Variants in FDFT1 observed in about 807,000 individuals in gnomAD.
FDFT1 encodes the protein squalene synthase.
A neutral mutation model predicts 46.8 loss-of-function variants in FDFT1; 68 were observed. The ratio of observed to expected loss-of-function variants is 1.45; its 90% CI spans 1.19 to 1.78. FDFT1 has a LOEUF of 1.78. Ranked by LOEUF, FDFT1 falls within the 40% of genes most tolerant of loss-of-function variation. FDFT1 has a pLI of 0.00. For synonymous variants in FDFT1, 351 were observed against 185.1 expected (o/e 1.90, Z -7.28); for missense variants, 928 against 524.4 (o/e 1.77, Z -7.52).
intron 3 of FDFT1, among the ~76,000 whole-genome samples, chr8:11,819,588 T>C (rs1328443180): frequency 3.9e-5 from 6 of 152,252 alleles, no homozygotes; most frequent in African/African-American, 1.4e-4. Context: ...CTTTATTTCA[T>C]TAATTTGATC....
intron 5 of FDFT1, among the ~76,000 whole-genome samples, chr8:11,827,813 G>A (rs1366692059): frequency 6.6e-6 from 1 of 152,026 alleles, no homozygotes; most frequent in Non-Finnish European, 1.5e-5. Flanking sequence ...GACCAAGGTA[G>A]GAAGATCACT....
upstream of FDFT1, chr8:11,802,252 T>G: frequency 2.6e-6 from 1 of 385,278 alleles, no homozygotes; most frequent in Admixed American, 3.2e-5. Flanking sequence ...CTTTTCACGG[T>G]TTTAGGCTCT....
intron 4 of FDFT1, among the ~76,000 whole-genome samples, chr8:11,822,549 T>C (rs945312692): frequency 6.6e-6 from 1 of 152,120 alleles, no homozygotes; most frequent in Non-Finnish European, 1.5e-5. Flanking sequence ...GGTACTATGG[T>C]TTACCTGTAA....
chr8:11,825,031 G>C (rs976291750), intron 4 of FDFT1, among the ~76,000 whole-genome samples: 1 of 152,128 alleles, frequency 6.6e-6, no homozygotes, highest in Non-Finnish European at 1.5e-5. Flanking sequence ...CATCGTGCCC[G>C]GCTGAATGTG....
At chr8:11,832,574 A>AAAAAAAAAAAAAAAAC (rs1810962601) in intron 7 of FDFT1, among the ~76,000 whole-genome samples, 1 of 141,818 alleles carries the variant, frequency 7.1e-6, no homozygotes, top group Non-Finnish European at 1.5e-5. Flanking sequence ...AAAAAAAAAA[A>AAAAAAAAAAAAAAAAC]AAGTCTTAGA....
chr8:11,834,759 G>C (rs1360853323), intron 7 of FDFT1, among the ~76,000 whole-genome samples: 1 of 152,352 alleles, frequency 6.6e-6, no homozygotes, highest in East Asian at 1.9e-4. Context: ...TCACAGAGGA[G>C]CTGCTGTATG....
intron 3 of FDFT1, among the ~76,000 whole-genome samples, chr8:11,817,262 T>G (rs1490289650): frequency 6.6e-6 from 1 of 152,214 alleles, no homozygotes; most frequent in Admixed American, 6.5e-5. Context: ...GCTGCTGGAT[T>G]CAATTTGCCA....
chr8:11,837,171 C>G (rs1811657329), intron 7 of FDFT1, among the ~76,000 whole-genome samples: 1 of 152,264 alleles, frequency 6.6e-6, no homozygotes, highest in Non-Finnish European at 1.5e-5. Flanking sequence ...TGGTATGAGA[C>G]TGGAACAGAG....
intron 7 of FDFT1, among the ~76,000 whole-genome samples, chr8:11,835,743 A>AG (rs1205548617): frequency 1.3e-5 from 2 of 152,188 alleles, no homozygotes; most frequent in African/African-American, 4.8e-5. Context: ...GAATTAACCC[A>AG]GGAATGAATA....
intron 1 of FDFT1, among the ~76,000 whole-genome samples, chr8:11,796,876 A>G (rs1365275319): frequency 6.6e-6 from 1 of 152,254 alleles, no homozygotes; most frequent in Non-Finnish European, 1.5e-5. Context: ...CAACTTCATT[A>G]AAGAGGCAGT....
At chr8:11,802,247 C>A, upstream of FDFT1, 1 of 383,088 alleles carries the variant, frequency 2.6e-6, no homozygotes, top group Non-Finnish European at 5.1e-6. Flanking sequence ...CCGGCCTTTT[C>A]ACGGTTTTAG....
chr8:11,799,542 A>G (rs2130632956), upstream of FDFT1, among the ~76,000 whole-genome samples: 1 of 152,316 alleles, frequency 6.6e-6, no homozygotes, highest in Non-Finnish European at 1.5e-5. Context: ...CTCTGTTTTA[A>G]TGTTAATGCC....
chr8:11,796,735 G>C (rs1805600656), intron 1 of FDFT1, among the ~76,000 whole-genome samples: 1 of 152,202 alleles, frequency 6.6e-6, no homozygotes, highest in Admixed American at 6.5e-5. Context: ...GACCATTTGG[G>C]GCTGATTGCT....
At chr8:11,799,429 C>T (rs7010927), upstream of FDFT1, among the ~76,000 whole-genome samples, 24,126 of 152,274 alleles carry the variant, frequency 0.16, 2,107 homozygotes, top group Middle Eastern at 0.2. Context: ...GTTGATTCTT[C>T]AAGTGTAGGG....
Position 11,839,107 on chromosome 8 carries a change from T to G in FDFT1, c.*498T>G, listed in dbSNP as rs575172316. 6.4e-6 allele frequency: 1 copy of G among 156,262 alleles called. No homozygotes were observed. Among genetic ancestry groups the G allele is most frequent in the African/African-American group, 2.4e-5 (1 of 41,574 alleles). 9.7% of individuals were successfully genotyped at this position (156,262 alleles called of 1,614,324 possible). A position where few individuals can be genotyped will look rare whatever the true frequency, so the allele number is the denominator to read the frequency against. On this transcript the variant is annotated 3_prime_UTR_variant, in exon 8 of 8. Transcript: ENST00000220584. ...ATGGTTTAGGTAACAGTTAGATGTT[T>G]CCTAAGAATGCAAACTGCCTTTTCC... is the stretch of plus-strand genomic sequence containing the variant.
intron 7 of FDFT1, among the ~76,000 whole-genome samples, chr8:11,832,976 A>C (rs1811050787): frequency 6.6e-6 from 1 of 152,196 alleles, no homozygotes; most frequent in Non-Finnish European, 1.5e-5. Context: ...TATACAAAAT[A>C]GCGATTTCTG....
chr8:11,803,643 A>G (rs1585850974), intron 1 of FDFT1: 1 of 490,544 alleles, frequency 2.0e-6, no homozygotes, highest in Non-Finnish European at 3.1e-6. Context: ...GAATGAATAG[A>G]CAAATTCAGC....
At chr8:11,817,749 T>G (rs1389155994) in intron 3 of FDFT1, among the ~76,000 whole-genome samples, 1 of 152,162 alleles carries the variant, frequency 6.6e-6, no homozygotes, top group Non-Finnish European at 1.5e-5. Flanking sequence ...TTTTGATTCT[T>G]CTGTCTTTTC....
intron 5 of FDFT1, 144 bp from the exon 6 acceptor site, chr8:11,830,100 C>A: frequency 1.5e-6 from 1 of 685,244 alleles, no homozygotes; most frequent in South Asian, 1.6e-5. Context: ...CCCTCCTCGG[C>A]CTCCCAAAGT....
Sources: allele counts gnomAD v4.1 joint callset (sites outside exome capture counted in the v4.1 genomes callset), GRCh38; gene constraint gnomAD v4.1.1; transcripts MANE v1.5; gene names NCBI Gene and HGNC (gene_info 2026-07-23, HGNC 2026-07-21).